Variants in RIN2 observed in about 807,000 individuals in gnomAD.
The protein encoded by RIN2 is RAB5 interacting protein 2.
In RIN2, 36 loss-of-function variants were observed where a neutral mutation model predicts 78.0. The ratio of observed to expected loss-of-function variants is 0.46; its 90% CI spans 0.35 to 0.61. The LOEUF is 0.61. RIN2 is among the 20% of genes least tolerant of loss of function. The probability of loss-of-function intolerance (pLI) is 0.00; values close to 1 mark genes in which losing one functional copy is unlikely to be tolerated. For missense variants in RIN2, 1,087 were observed against 1,159.7 expected (o/e 0.94, Z 0.91); for synonymous variants, 466 against 466.8 (o/e 1.00, Z 0.02).
At chr20:19,803,980 A>G (rs140636724) in intron 2 of RIN2, among the ~76,000 whole-genome samples, 49 of 152,292 alleles carry the variant, frequency 3.2e-4, no homozygotes, top group African/African-American at 1.2e-3. Flanking sequence ...GAGTTCATTC[A>G]TGATTTGGCT....
chr20:19,840,818 C>A (rs1390249431), intron 2 of RIN2, among the ~76,000 whole-genome samples: 1 of 152,158 alleles, frequency 6.6e-6, no homozygotes, highest in Non-Finnish European at 1.5e-5. Flanking sequence ...TTATCCAGAG[C>A]AATTGATGAA....
chr20:19,823,858 G>C (rs2036001197), intron 2 of RIN2: 1 of 1,605,496 alleles, frequency 6.2e-7, no homozygotes, highest in Admixed American at 1.7e-5. Context: ...GATCTTGGGG[G>C]CCAGGGCAGA....
chr20:19,820,047 C>T (rs2035882436), intron 2 of RIN2, among the ~76,000 whole-genome samples: 2 of 152,084 alleles, frequency 1.3e-5, no homozygotes, highest in African/African-American at 4.8e-5. Context: ...TAAAATAAAA[C>T]AATGGCATTA....
intron 4 of RIN2, among the ~76,000 whole-genome samples, chr20:19,947,915 C>G (rs13039743): frequency 0.091 from 13,847 of 152,258 alleles, 679 homozygotes; most frequent in Non-Finnish European, 0.094. Context: ...GAGAGTTCTC[C>G]ATACCTTGTG....
chr20:19,956,525 C>A, intron 4 of RIN2, 90 bp from the exon 5 acceptor site: 1 of 1,247,400 alleles, frequency 8.0e-7, no homozygotes, highest in Non-Finnish European at 1.1e-6. Flanking sequence ...TGTGCGGTGG[C>A]AAGCCTGGCC....
intron 1 of RIN2, among the ~76,000 whole-genome samples, chr20:19,791,243 T>C (rs1169138115): frequency 1.3e-5 from 2 of 151,100 alleles, no homozygotes; most frequent in African/African-American, 2.5e-5. Flanking sequence ...CAGATATATA[T>C]GTATTTCTAA....
chr20:19,940,019 T>A (rs1207269732), intron 4 of RIN2, among the ~76,000 whole-genome samples: 1 of 152,112 alleles, frequency 6.6e-6, no homozygotes, highest in Non-Finnish European at 1.5e-5. Flanking sequence ...CACCACCGGC[T>A]AAGTTTTTGT....
intron 9 of RIN2, among the ~76,000 whole-genome samples, chr20:19,983,598 C>T (rs1047941578): frequency 1.5e-5 from 2 of 133,340 alleles, no homozygotes; most frequent in Non-Finnish European, 3.6e-5. Context: ...ACTACTTTAC[C>T]TTTTTAAAAA....
chr20:19,805,502 A>G (rs1239388311), intron 2 of RIN2, among the ~76,000 whole-genome samples: 3 of 152,076 alleles, frequency 2.0e-5, no homozygotes, highest in African/African-American at 7.3e-5. Flanking sequence ...CCTGGGTTCA[A>G]GCAGTTCTCC....
At chr20:19,941,221 CTA>C (rs1209113351) in intron 4 of RIN2, among the ~76,000 whole-genome samples, 2 of 152,176 alleles carry the variant, frequency 1.3e-5, no homozygotes, top group Non-Finnish European at 2.9e-5. Flanking sequence ...TTCCCAGTGG[CTA>C]TGTGACAGCA....
rs574450355 is a variant in RIN2 at position 19,955,346 on chromosome 20, C to A, written c.159-1269C>A. 1.7e-4 allele frequency among the ~76,000 whole-genome samples: 25 copies of A among 146,580 alleles called. No homozygotes were observed. In the East Asian group the frequency reaches 4.4e-3, roughly 26 times the overall value. ...AAGAATAGATTACTCTTTTTTTTTT[C>A]TTTTTTTGAGACAGGGCCTCACTCC... On this transcript the variant is annotated intron_variant, in intron 4 of 12. Coordinates refer to ENST00000255006, the MANE Select transcript of RIN2 (RefSeq NM_018993.4).
rs145214047 is a variant in RIN2 at position 19,881,421 on chromosome 20, A to G, written c.-36-8145A>G. On this transcript the variant is annotated intron_variant, in intron 2 of 12. Transcript: ENST00000255006. ...AGTTTGGAAAGACATCAGCATATAC[A>G]TGGTCAAAATGAAGGAAAAGAAGCA... Among the ~76,000 whole-genome samples the G allele has an allele frequency of 2.9e-3, 441 of 152,336 alleles. 9 individuals are homozygous for G. Among genetic ancestry groups the G allele is most frequent in the African/African-American group, 0.01 (428 of 41,582 alleles).
chr20:19,949,722 G>C (rs991424860), intron 4 of RIN2, among the ~76,000 whole-genome samples: 5 of 152,176 alleles, frequency 3.3e-5, no homozygotes, highest in African/African-American at 1.2e-4. Flanking sequence ...GAGGTGCAAG[G>C]GAGGCTTCAT....
chr20:19,856,853 G>T (rs2037186720), intron 2 of RIN2, among the ~76,000 whole-genome samples: 1 of 152,120 alleles, frequency 6.6e-6, no homozygotes, highest in Non-Finnish European at 1.5e-5. Flanking sequence ...TCCAAATCTT[G>T]CAACGTGGCC....
At chr20:19,998,274 G>C (rs540388630) in intron 12 of RIN2, among the ~76,000 whole-genome samples, 1 of 149,104 alleles carries the variant, frequency 6.7e-6, no homozygotes, top group Admixed American at 7.0e-5. Context: ...GAGCCACTGC[G>C]CCTGGCCATT....
rs777959050 is a variant in RIN2 at position 19,927,033 on chromosome 20, G to A, written c.58-8066G>A. ...TTCTCTCTATTAGGGGAAATTCAGC[G>A]CCTAGTGGGCAAATCTCTAGGTTAG... is the stretch of plus-strand genomic sequence containing the variant. On this transcript the variant is annotated intron_variant, in intron 3 of 12. Transcript: ENST00000255006. Among the ~76,000 whole-genome samples, 8 of 152,290 alleles carry A rather than the reference G, an allele frequency of 5.3e-5. No homozygotes were observed. In the East Asian group the frequency reaches 7.7e-4, roughly 15 times the overall value.
intron 7 of RIN2, 67 bp downstream of exon 7, chr20:19,965,091 G>A (rs1440041884): frequency 3.8e-6 from 5 of 1,316,146 alleles, no homozygotes; most frequent in Non-Finnish European, 5.4e-6. Context: ...TTAACCTGAG[G>A]TTTCTTGAAG....
rs959071955 is a variant in RIN2 at position 19,934,536 on chromosome 20, C to T, written c.58-563C>T. 17 of 985,046 alleles carry T rather than the reference C, an allele frequency of 1.7e-5. No homozygotes were observed. The Admixed American group carries it at 8.0e-4, about 46-fold the overall frequency. The allele number at this position is 985,046 out of a possible 1,614,324, so 61.0% of individuals were successfully genotyped here. A position where few individuals can be genotyped will look rare whatever the true frequency, so the allele number is the denominator to read the frequency against. On this transcript the variant is annotated intron_variant, in intron 3 of 12. Coordinates refer to ENST00000255006, the MANE Select transcript of RIN2 (RefSeq NM_018993.4). ...CCACCCCAGCCTCACTCAGTCCTTT[C>T]TCTTCCCTTTCCCCAACAATCTTCT...
intron 4 of RIN2, among the ~76,000 whole-genome samples, chr20:19,950,914 GAGTCTAACTC>G (rs1320668043): frequency 5.4e-5 from 8 of 147,428 alleles, no homozygotes; most frequent in African/African-American, 1.0e-4. Context: ...TTTTGGGACA[GAGTCTAACTC>G]TGTCACCCCC....
Sources: gnomAD v4.1 joint callset for allele counts (sites outside exome capture counted in the v4.1 genomes callset) on GRCh38, gnomAD v4.1.1 for gene constraint, MANE v1.5 for transcripts, NCBI Gene and HGNC (gene_info 2026-07-23, HGNC 2026-07-21) for gene names.